Variants in GRIK2 observed in about 807,000 individuals in gnomAD.
GRIK2 encodes glutamate receptor ionotropic, kainate 2.
Under a neutral mutation model 100.3 loss-of-function variants are expected in GRIK2, and 32 were observed. That is an observed-to-expected ratio of 0.32 (90% CI 0.24 to 0.43). The LOEUF (loss-of-function observed/expected upper bound fraction) is 0.43, where lower values mean the gene tolerates loss of function less well. Among genes scored for constraint, GRIK2 ranks in the 20% least tolerant of loss-of-function variants. GRIK2 has a pLI of 1.00. For missense variants in GRIK2, 843 were observed against 1,114.9 expected, an observed-to-expected ratio of 0.76 and a Z score of 3.47; for synonymous variants, 417 against 389.4, an observed-to-expected ratio of 1.07 and a Z score of -0.83.
intron 2 of GRIK2, among the ~76,000 whole-genome samples, chr6:101,497,767 T>C (rs1773524036): frequency 6.6e-6 from 1 of 152,130 alleles, no homozygotes; most frequent in Non-Finnish European, 1.5e-5. Flanking sequence ...AATTTCACTT[T>C]AAAATAAGAA....
chr6:101,717,677 G>A (rs1035100236), intron 7 of GRIK2, among the ~76,000 whole-genome samples: 2 of 151,818 alleles, frequency 1.3e-5, no homozygotes, highest in Non-Finnish European at 2.9e-5. Context: ...TATTGCCAGT[G>A]AATAGTAATT....
chr6:101,614,160 T>C (rs1779798538), intron 2 of GRIK2, among the ~76,000 whole-genome samples: 1 of 151,730 alleles, frequency 6.6e-6, no homozygotes, highest in Non-Finnish European at 1.5e-5. Context: ...AGGATAATAG[T>C]GCAATTTTAG....
chr6:101,930,356 A>AAT (rs1554288373), intron 14 of GRIK2, among the ~76,000 whole-genome samples: 115 of 149,696 alleles, frequency 7.7e-4, no homozygotes, highest in East Asian at 2.0e-3. Context: ...AAAAAAAAAT[A>AAT]AAATAAAATA....
Position 101,889,633 on chromosome 6 carries a change from T to TTA in GRIK2, c.1525-7_1525-6insTA. The TTA allele has an allele frequency of 7.2e-7, 1 of 1,386,276 alleles. No homozygotes were observed. Among genetic ancestry groups the TTA allele is most frequent in the Non-Finnish European group, 1.0e-6 (1 of 1,000,708 alleles). The allele number at this position is 1,386,276 out of a possible 1,614,324, so 85.9% of individuals were successfully genotyped here. A position where few individuals can be genotyped will look rare whatever the true frequency, so the allele number is the denominator to read the frequency against. On this transcript the variant is annotated splice_polypyrimidine_tract_variant and splice_region_variant and intron_variant, in intron 11 of 16. Transcript: ENST00000369134. ...TTTTTTTTTTTTTTGTTTGTTTCTG[T>TTA]CTACAGAAAGCTGACCTTGCAGTTG...
chr6:101,766,305 T>G (rs2128394769), intron 7 of GRIK2, among the ~76,000 whole-genome samples: 1 of 152,196 alleles, frequency 6.6e-6, no homozygotes, highest in Non-Finnish European at 1.5e-5. Flanking sequence ...GTAGCTATAT[T>G]ATTAAGTGTA....
At chr6:101,686,454 T>A in intron 7 of GRIK2, 101 bp downstream of exon 7, 1 of 821,840 alleles carries the variant, frequency 1.2e-6, no homozygotes, top group African/African-American at 1.7e-5. Context: ...TTCAGTTTAA[T>A]TGTTTGACAT....
chr6:101,707,590 G>GTA (rs1449124596), intron 7 of GRIK2, among the ~76,000 whole-genome samples: 1 of 129,492 alleles, frequency 7.7e-6, no homozygotes, highest in African/African-American at 3.2e-5. Flanking sequence ...GTGTGTGTGT[G>GTA]TGTGTATATA....
At chr6:101,879,695 C>T (rs1257977476) in intron 11 of GRIK2, among the ~76,000 whole-genome samples, 1 of 150,620 alleles carries the variant, frequency 6.6e-6, no homozygotes, top group Non-Finnish European at 1.5e-5. Context: ...TTTTTTTACC[C>T]CATCCAACCC....
intron 2 of GRIK2, among the ~76,000 whole-genome samples, chr6:101,571,242 A>G (rs926906854): frequency 1.3e-5 from 2 of 152,170 alleles, no homozygotes; most frequent in Non-Finnish European, 2.9e-5. Context: ...TACACGTGCC[A>G]TGATGGTTTG....
At chr6:101,616,523 A>T (rs1357696968) in intron 2 of GRIK2, among the ~76,000 whole-genome samples, 1 of 151,818 alleles carries the variant, frequency 6.6e-6, no homozygotes, top group Non-Finnish European at 1.5e-5. Context: ...TATTTTATTA[A>T]GTATATCTAC....
intron 14 of GRIK2, among the ~76,000 whole-genome samples, chr6:102,008,435 A>ACT (rs1795356195): frequency 6.6e-6 from 1 of 152,246 alleles, no homozygotes; most frequent in Non-Finnish European, 1.5e-5. Flanking sequence ...ATGACAGAGA[A>ACT]CTAGTAACAA....
intron 2 of GRIK2, among the ~76,000 whole-genome samples, chr6:101,446,488 G>GT (rs1203445229): frequency 6.6e-6 from 1 of 151,788 alleles, no homozygotes; most frequent in South Asian, 2.1e-4. Context: ...TTCAGTGATA[G>GT]TTTTTTTATA....
chr6:101,606,426 A>C (rs1203988020), intron 2 of GRIK2, among the ~76,000 whole-genome samples: 1 of 151,970 alleles, frequency 6.6e-6, no homozygotes, highest in Admixed American at 6.6e-5. Context: ...ATCATTGAGT[A>C]TCTTTCATGT....
intron 14 of GRIK2, among the ~76,000 whole-genome samples, chr6:101,964,250 T>C (rs1175859208): frequency 6.6e-6 from 1 of 151,614 alleles, no homozygotes; most frequent in Non-Finnish European, 1.5e-5. Context: ...CTAACACATA[T>C]ATGTATAATT....
chr6:101,869,073 C>T (rs1329974104), intron 11 of GRIK2, among the ~76,000 whole-genome samples: 1 of 151,734 alleles, frequency 6.6e-6, no homozygotes, highest in Non-Finnish European at 1.5e-5. Context: ...ATGACAGATG[C>T]TTTTTCAAAT....
At chr6:101,716,599 C>G (rs1015358866) in intron 7 of GRIK2, among the ~76,000 whole-genome samples, 20 of 106,382 alleles carry the variant, frequency 1.9e-4, no homozygotes, top group Non-Finnish European at 3.5e-4. Context: ...GCCTCCTGTC[C>G]TGGGGTGGGG....
chr6:101,521,687 A>G (rs1362623368), intron 2 of GRIK2, among the ~76,000 whole-genome samples: 1 of 151,908 alleles, frequency 6.6e-6, no homozygotes, highest in Non-Finnish European at 1.5e-5. Flanking sequence ...AATTATGCAG[A>G]GGATAATTGT....
At chr6:101,687,641 G>A (rs1447161278) in intron 7 of GRIK2, among the ~76,000 whole-genome samples, 2 of 151,790 alleles carry the variant, frequency 1.3e-5, no homozygotes, top group South Asian at 2.1e-4. Context: ...TAGCCTAAAG[G>A]CATCAACTTT....
At chr6:101,697,586 T>C (rs1362253924) in intron 7 of GRIK2, among the ~76,000 whole-genome samples, 1 of 152,058 alleles carries the variant, frequency 6.6e-6, no homozygotes, top group East Asian at 1.9e-4. Context: ...ATTTCGTTTT[T>C]AAGTTAAAAA....
Sources: allele counts gnomAD v4.1 joint callset (sites outside exome capture counted in the v4.1 genomes callset), GRCh38; gene constraint gnomAD v4.1.1; transcripts MANE v1.5; gene names NCBI Gene and HGNC (gene_info 2026-07-23, HGNC 2026-07-21).